Variants in KCNQ1 observed in about 807,000 individuals in gnomAD.
The protein encoded by KCNQ1 is potassium voltage-gated channel subfamily KQT member 1.
A neutral mutation model predicts 72.4 loss-of-function variants in KCNQ1; 49 were observed. The observed-to-expected ratio is 0.68, with a 90% CI of 0.54 to 0.86. The LOEUF is 0.86. Ranked by LOEUF, KCNQ1 falls within the 40% of genes least tolerant of loss-of-function variation. KCNQ1 has a pLI of 0.00. For synonymous variants in KCNQ1, 450 were observed against 412.6 expected (o/e 1.09, Z -1.10); for missense variants, 790 against 945.1 (o/e 0.84, Z 2.15).
chr11:2,465,847 C>A (rs374705989), intron 1 of KCNQ1, among the ~76,000 whole-genome samples: 1 of 152,332 alleles, frequency 6.6e-6, no homozygotes, highest in African/African-American at 2.4e-5. Context: ...AGCCATGCCT[C>A]CTGGAAGGCC....
chr11:2,788,572 C>T (rs1360477074), intron 15 of KCNQ1, among the ~76,000 whole-genome samples: 2 of 149,760 alleles, frequency 1.3e-5, no homozygotes, highest in African/African-American at 4.9e-5. Flanking sequence ...ACACCCAACC[C>T]AACACTCCTC....
intron 15 of KCNQ1, among the ~76,000 whole-genome samples, chr11:2,804,021 G>GAAAGGAC (rs1847326949): frequency 6.6e-6 from 1 of 152,182 alleles, no homozygotes. Context: ...AGGCAGAGGG[G>GAAAGGAC]AAAGGACGGG....
In KCNQ1 at chr11:2,492,144, A is replaced by G. The variant is rs2133628057; in HGVS notation, c.387-35784A>G. On this transcript the variant is annotated intron_variant, in intron 1 of 15. Coordinates refer to ENST00000155840, the MANE Select transcript of KCNQ1 (RefSeq NM_000218.3). The surrounding 1 kb of genome is among the most constrained non-coding windows in gnomAD (Gnocchi z 4.1). ...ACAAGAAATGATGTGAAGGTACAAA[A>G]CTCACTGGTAATACATACACAGAAA... Among the ~76,000 whole-genome samples the G allele has an allele frequency of 6.6e-6, 1 of 152,264 alleles. No individual in the cohort carries two copies. The highest frequency in any genetic ancestry group is 6.5e-5 in the Admixed American group (1 of 15,284).
chr11:2,727,597 G>A (rs1476641468), intron 11 of KCNQ1, among the ~76,000 whole-genome samples: 5 of 152,292 alleles, frequency 3.3e-5, no homozygotes, highest in Middle Eastern at 3.4e-3. Flanking sequence ...CAGACACCCC[G>A]GATCCGCTCT....
At chr11:2,606,013 A>G (rs1226378265) in intron 10 of KCNQ1, among the ~76,000 whole-genome samples, 1 of 152,052 alleles carries the variant, frequency 6.6e-6, no homozygotes, top group Admixed American at 6.5e-5. Context: ...TTCCCAAGGT[A>G]TTTTATTTTT....
Position 2,687,963 on chromosome 11 carries a change from C to A in KCNQ1, c.1514+25882C>A. 2.5e-6 allele frequency: 1 copy of A among 398,794 alleles called. No homozygotes were observed. Among genetic ancestry groups the A allele is most frequent in the Non-Finnish European group, 4.4e-6 (1 of 226,178 alleles). The allele number at this position is 398,794 out of a possible 1,614,324, so 24.7% of individuals were successfully genotyped here. A position where few individuals can be genotyped will look rare whatever the true frequency, so the allele number is the denominator to read the frequency against. ...CACCCGCTGTGGGTCAGCCAGGCCG[C>A]TGCTTCCTGCTTCCCTTTGATGTCT... On this transcript the variant is annotated intron_variant, in intron 11 of 15. Coordinates refer to ENST00000155840, the MANE Select transcript of KCNQ1 (RefSeq NM_000218.3). The surrounding 1 kb of genome is among the most constrained non-coding windows in gnomAD (Gnocchi z 5.0).
chr11:2,488,951 T>G lies in KCNQ1; in HGVS notation c.387-38977T>G, dbSNP rs531942271. ...AAGTTAGGTTATTTACTGGAGATCTTTCTTGTTTATTAATGTAACAATTTA... is the reference window on the plus strand; with the variant it reads ...AAGTTAGGTTATTTACTGGAGATCTGTCTTGTTTATTAATGTAACAATTTA... On this transcript the variant is annotated intron_variant, in intron 1 of 15. Transcript: ENST00000155840. This position sits in a 1 kb window ranked among gnomAD's most constrained non-coding sequence, Gnocchi z 5.1. 1.3e-5 allele frequency among the ~76,000 whole-genome samples: 2 copies of G among 152,320 alleles called. No individual in the cohort carries two copies. The highest frequency in any genetic ancestry group is 1.3e-4 in the Admixed American group (2 of 15,304).
intron 15 of KCNQ1, among the ~76,000 whole-genome samples, chr11:2,834,673 C>T (rs997395289): frequency 1.3e-5 from 2 of 152,132 alleles, no homozygotes; most frequent in Admixed American, 6.6e-5. Context: ...CTCAGGGCCC[C>T]GCCAGGTGAA....
Position 2,542,547 on chromosome 11 carries a change from C to T in KCNQ1, c.477+14529C>T, listed in dbSNP as rs111405535. On this transcript the variant is annotated intron_variant, in intron 2 of 15. Coordinates refer to ENST00000155840, the MANE Select transcript of KCNQ1 (RefSeq NM_000218.3). Reference sequence around the variant, plus strand: ...ATGGGTGTACGCCACAGGACCATCACCACAATTGAGACAGCAGGCACATCC... The same window carrying T: ...ATGGGTGTACGCCACAGGACCATCATCACAATTGAGACAGCAGGCACATCC... Among the ~76,000 whole-genome samples the T allele has an allele frequency of 5.5e-3, 841 of 152,356 alleles. 12 individuals carry two copies. The highest frequency in any genetic ancestry group is 9.4e-3 in the Non-Finnish European group (638 of 68,044).
chr11:2,707,505 G>T (rs1262871964), intron 11 of KCNQ1, among the ~76,000 whole-genome samples: 2 of 152,070 alleles, frequency 1.3e-5, no homozygotes, highest in Non-Finnish European at 2.9e-5. Context: ...CCTAGCTGGT[G>T]TTCTGGGCCG....
chr11:2,655,651 G>A (rs1478506936), intron 10 of KCNQ1: 2 of 398,580 alleles, frequency 5.0e-6, no homozygotes, highest in Non-Finnish European at 8.8e-6. Context: ...GGCAGCACCA[G>A]TGTGTCTGGA....
rs575635118 is a variant in KCNQ1 at position 2,719,480 on chromosome 11, AAAAC to A, written c.1515-49344_1515-49341del. ...GATTGACGTGTTGACCAGGCACTCA[AAAAC>A]AAACAAACAAACAAACAAAAAAAAA... On this transcript the variant is annotated intron_variant, in intron 11 of 15. Coordinates refer to ENST00000155840, the MANE Select transcript of KCNQ1 (RefSeq NM_000218.3). Among the ~76,000 whole-genome samples, 497 of 151,866 alleles carry A rather than the reference AAAAC, an allele frequency of 3.3e-3. 7 individuals carry two copies. The highest frequency in any genetic ancestry group is 0.011 in the African/African-American group (458 of 41,442).
At chr11:2,718,357 C>G (rs1464947675) in intron 11 of KCNQ1, among the ~76,000 whole-genome samples, 1 of 152,232 alleles carries the variant, frequency 6.6e-6, no homozygotes, top group Non-Finnish European at 1.5e-5. Flanking sequence ...CTGACCCCCT[C>G]CTCACCTGCC....
chr11:2,724,596 A>G lies in KCNQ1; in HGVS notation c.1515-44248A>G, dbSNP rs1845725617. ...CCACTAGGAACCCCTTCCCGCGGAA[A>G]CACAGCTTCTCCCCTTGGGTGCCAT... On this transcript the variant is annotated intron_variant, in intron 11 of 15. Coordinates refer to ENST00000155840, the MANE Select transcript of KCNQ1 (RefSeq NM_000218.3). This position sits in a 1 kb window ranked among gnomAD's most constrained non-coding sequence, Gnocchi z 6.8. Among the ~76,000 whole-genome samples, 3 of 152,168 alleles carry G rather than the reference A, an allele frequency of 2.0e-5. No individual in the cohort carries two copies. The South Asian group carries it at 6.2e-4, about 31-fold the overall frequency.
Position 2,626,126 on chromosome 11 carries a change from T to C in KCNQ1, c.1394-35835T>C, listed in dbSNP as rs575901052. ...TATTGCCTGTGCCTTTGGTGTCGCA[T>C]ACAAGAAGCACTGCCAATGATGTAA... On this transcript the variant is annotated intron_variant, in intron 10 of 15. Transcript: ENST00000155840. The surrounding 1 kb of genome is among the most constrained non-coding windows in gnomAD (Gnocchi z 4.0). 1.0e-5 allele frequency: 4 copies of C among 398,604 alleles called. No individual in the cohort carries two copies. In the East Asian group the frequency reaches 1.4e-4, roughly 14 times the overall value. The allele number at this position is 398,604 out of a possible 1,614,324, so 24.7% of individuals were successfully genotyped here. A position where few individuals can be genotyped will look rare whatever the true frequency, so the allele number is the denominator to read the frequency against.
intron 10 of KCNQ1, chr11:2,650,318 G>GT (rs1018632035): frequency 1.3e-5 from 5 of 398,178 alleles, no homozygotes; most frequent in East Asian, 3.6e-5. Flanking sequence ...ATGTTTTCTT[G>GT]TTTTTTTCCC....
At position 2,690,109 on chromosome 11, in the gene KCNQ1, T is replaced by C. The variant is rs1850563969; in HGVS notation, c.1514+28028T>C. 2.5e-6 allele frequency: 1 copy of C among 398,698 alleles called. No homozygotes were observed. The highest frequency in any genetic ancestry group is 4.4e-6 in the Non-Finnish European group (1 of 226,332). 24.7% of individuals were successfully genotyped at this position (398,698 alleles called of 1,614,324 possible). On this transcript the variant is annotated intron_variant, in intron 11 of 15. Coordinates refer to ENST00000155840, the MANE Select transcript of KCNQ1 (RefSeq NM_000218.3). The surrounding 1 kb of genome is among the most constrained non-coding windows in gnomAD (Gnocchi z 5.1). ...AGCAGGGACAATCGCTCTTCCGGGG[T>C]TAGAACTGGGGGAGCAGGGACAAAA...
intron 11 of KCNQ1, chr11:2,666,417 G>A (rs532575194): frequency 5.0e-6 from 2 of 398,586 alleles, no homozygotes; most frequent in Non-Finnish European, 8.8e-6. Context: ...AGCCCCGTGT[G>A]CGTTAATTAG....
Position 2,651,549 on chromosome 11 carries a change from T to C in KCNQ1, c.1394-10412T>C. 4 of 398,616 alleles carry C rather than the reference T, an allele frequency of 1.0e-5. No homozygotes were observed. The highest frequency in any genetic ancestry group is 1.8e-5 in the Non-Finnish European group (4 of 226,070). The allele number at this position is 398,616 out of a possible 1,614,324, so 24.7% of individuals were successfully genotyped here. A position where few individuals can be genotyped will look rare whatever the true frequency, so the allele number is the denominator to read the frequency against. ...GCATATGAGTGTGTCCCTGAGAACA[T>C]GGATATTGTGTTCTTTACCTCCATG... On this transcript the variant is annotated intron_variant, in intron 10 of 15. Coordinates refer to ENST00000155840, the MANE Select transcript of KCNQ1 (RefSeq NM_000218.3). This position sits in a 1 kb window ranked among gnomAD's most constrained non-coding sequence, Gnocchi z 6.1.
Sources: allele counts gnomAD v4.1 joint callset (sites outside exome capture counted in the v4.1 genomes callset), GRCh38; gene constraint gnomAD v4.1.1; non-coding constraint Gnocchi (gnomAD v3.1); transcripts MANE v1.5; gene names NCBI Gene and HGNC (gene_info 2026-07-23, HGNC 2026-07-21).